The following RARS2 variants were observed in gnomAD, a reference collection of about 807,000 sequenced individuals.
RARS2 encodes arginyl-tRNA synthetase 2, mitochondrial.
A neutral mutation model predicts 88.5 loss-of-function variants in RARS2; 67 were observed. The ratio of observed to expected loss-of-function variants is 0.76; its 90% confidence interval spans 0.62 to 0.93. RARS2 has a LOEUF of 0.93. RARS2 is among the 40% of genes least tolerant of loss of function. RARS2 has a pLI of 0.00. For missense variants in RARS2, 664 were observed against 684.2 expected (o/e 0.97, Z 0.33); for synonymous variants, 239 against 230.3 (o/e 1.04, Z -0.34).
chr6:87,589,550 C>T (rs1776333286), intron 1 of RARS2, among the ~76,000 whole-genome samples: 1 of 152,156 alleles, frequency 6.6e-6, no homozygotes, highest in Admixed American at 6.5e-5. Context: ...TGAGGTCCTT[C>T]TGAAGAACAA....
chr6:87,517,885 GT>G (rs1352619845), intron 17 of RARS2, among the ~76,000 whole-genome samples: 3 of 152,072 alleles, frequency 2.0e-5, no homozygotes, highest in Non-Finnish European at 4.4e-5. Context: ...ACTAAAAAAG[GT>G]TATGCTTTTA....
intron 3 of RARS2, 33 bp from the exon 4 acceptor site, chr6:87,562,818 T>C: frequency 6.5e-7 from 1 of 1,527,756 alleles, no homozygotes; most frequent in Non-Finnish European, 9.1e-7. Flanking sequence ...AGTAGGTATG[T>C]TATATAATAG....
At chr6:87,515,519 C>T (rs1440658385) in intron 18 of RARS2, among the ~76,000 whole-genome samples, 1 of 127,560 alleles carries the variant, frequency 7.8e-6, no homozygotes, top group African/African-American at 2.9e-5. Context: ...GACTCTGTCT[C>T]AAAAAAAAAA....
intron 12 of RARS2, among the ~76,000 whole-genome samples, chr6:87,520,719 A>G (rs1296252188): frequency 6.6e-6 from 1 of 152,220 alleles, no homozygotes; most frequent in South Asian, 2.1e-4. Flanking sequence ...TCTCCAGGGC[A>G]TTCATTATAC....
In RARS2 at chr6:87,539,125, T is replaced by C. The variant is rs1780116807; in HGVS notation, c.612+2793A>G. 3.3e-5 allele frequency among the ~76,000 whole-genome samples: 5 copies of C among 152,204 alleles called. No individual in the cohort carries two copies. In the South Asian group the frequency reaches 1.0e-3, roughly 32 times the overall value. ...AGACAAAGGTTTACTATTTGCAAGA[T>C]TAAATAAAAACTTTTGAGGTGGGGA... On this transcript the variant is annotated intron_variant, in intron 8 of 19. Transcript: ENST00000369536.
chr6:87,572,776 T>C (rs1310303194), intron 1 of RARS2, among the ~76,000 whole-genome samples: 2 of 152,038 alleles, frequency 1.3e-5, no homozygotes, highest in Non-Finnish European at 2.9e-5. Context: ...AAAAATGAAA[T>C]GGGGGACTTA....
At chr6:87,528,940 A>C (rs1312893192) in intron 10 of RARS2, among the ~76,000 whole-genome samples, 1 of 152,264 alleles carries the variant, frequency 6.6e-6, no homozygotes. Flanking sequence ...AACATTTCAC[A>C]GTGTGCATAT....
chr6:87,545,822 T>C, intron 6 of RARS2, 123 bp from the exon 7 acceptor site: 3 of 1,137,566 alleles, frequency 2.6e-6, no homozygotes, highest in Non-Finnish European at 3.7e-6. Flanking sequence ...ACCAACTCAA[T>C]GTTTTTTACT....
In RARS2 at chr6:87,589,950, C is replaced by A. The variant is rs766880364; in HGVS notation, c.8G>T (p.Cys3Phe). 1 of 1,614,182 alleles carries A rather than the reference C, an allele frequency of 6.2e-7. No homozygotes were observed. The highest frequency in any genetic ancestry group is 1.7e-5 in the Admixed American group (1 of 60,034). The change falls in exon 1 of 20, where the codon TGC becomes TTC. Residue 3 changes from cysteine to phenylalanine, a missense_variant. Cys to Phe is a radical substitution (Grantham distance 205). Transcript: ENST00000369536. MACGFRRAIACQL... is the reference protein window; with the variant it reads MAFGFRRAIACQL... ...GCAAGCAATAGCGCGGCGAAAGCCGCACGCCATGTCCACCTCTACGGAAGT... is the reference window on the plus strand; with the variant it reads ...GCAAGCAATAGCGCGGCGAAAGCCGAACGCCATGTCCACCTCTACGGAAGT...
intron 4 of RARS2, among the ~76,000 whole-genome samples, chr6:87,558,229 G>T (rs528105264): frequency 6.0e-5 from 9 of 150,834 alleles, no homozygotes; most frequent in Non-Finnish European, 1.3e-4. Context: ...TCTCTCTATT[G>T]CTACAGACTG....
intron 17 of RARS2, 23 bp downstream of exon 17, chr6:87,518,146 A>G: frequency 6.2e-7 from 1 of 1,614,144 alleles, no homozygotes; most frequent in Admixed American, 1.7e-5. Flanking sequence ...AGCACACTTG[A>G]TGATCCCTGG....
chr6:87,569,628 C>T (rs1245783817), intron 1 of RARS2, 38 bp from the exon 2 acceptor site: 16 of 1,496,384 alleles, frequency 1.1e-5, no homozygotes, highest in East Asian at 2.3e-5. Flanking sequence ...TAAGATTGTT[C>T]ACATATTTGT....
intron 3 of RARS2, among the ~76,000 whole-genome samples, chr6:87,563,919 C>T (rs1167477475): frequency 6.6e-6 from 1 of 152,150 alleles, no homozygotes; most frequent in Admixed American, 6.6e-5. Context: ...AAAAATTGAA[C>T]AATGTCAGCT....
At chr6:87,578,945 CG>C (rs1160337404) in intron 1 of RARS2, among the ~76,000 whole-genome samples, 1 of 101,228 alleles carries the variant, frequency 9.9e-6, no homozygotes, top group Non-Finnish European at 1.7e-5. Flanking sequence ...GGAGACAGAG[CG>C]AGAGACTGTC....
chr6:87,572,560 T>TC (rs2128197052), intron 1 of RARS2, among the ~76,000 whole-genome samples: 1 of 152,220 alleles, frequency 6.6e-6, no homozygotes, highest in East Asian at 1.9e-4. Flanking sequence ...TTCTTCTTCT[T>TC]CTTTTTTTTT....
rs368996052 is a variant in RARS2, at chr6:87,519,653, A to G, written c.1167T>C (p.Asp389=). 19 of 1,613,176 alleles carry G rather than the reference A, an allele frequency of 1.2e-5. No individual in the cohort carries two copies. The highest frequency in any genetic ancestry group is 1.7e-5 in the Admixed American group (1 of 60,014). The change falls in exon 14 of 20, where the codon GAT becomes GAC. Residue 389 remains aspartate, a synonymous_variant. Transcript: ENST00000369536. ...VVQGMKTRRG[D]VTFLEDVLNE... is the part of the protein sequence containing the mutation. Reference sequence around the variant, plus strand: ...TTAAAACATCTTCCAGGAAAGTGACATCTCCTCTTCGAGTCTTCATTCCCT... The same window carrying G: ...TTAAAACATCTTCCAGGAAAGTGACGTCTCCTCTTCGAGTCTTCATTCCCT...
rs749523845 is a variant in RARS2 at position 87,521,416 on chromosome 6, T to TA, written c.1035+47dup. On this transcript the variant is annotated intron_variant, in intron 12 of 19. Transcript: ENST00000369536. ...ACATGGCATCCAATTTCTACCTCTG[T>TA]AGTTTTCATGAGTTAAGAGATCATA... 5 of 1,392,486 alleles carry TA rather than the reference T, an allele frequency of 3.6e-6. No homozygotes were observed. In the African/African-American group the frequency reaches 7.1e-5, roughly 20 times the overall value. The allele number at this position is 1,392,486 out of a possible 1,614,324, so 86.3% of individuals were successfully genotyped here.
intron 1 of RARS2, among the ~76,000 whole-genome samples, chr6:87,579,374 C>T (rs1480827988): frequency 3.9e-5 from 6 of 152,322 alleles, no homozygotes; most frequent in Admixed American, 3.3e-4. Context: ...CACTGTACTA[C>T]ACCTTTCTGC....
In RARS2 at chr6:87,564,118, G is replaced by C; in HGVS notation, c.213+12C>G. Reference sequence around the variant, plus strand: ...ATTACAATGTCAAAAAGAGATAATAGTGCTAACGTACCTTCTCTGCTAGTC... The same window carrying C: ...ATTACAATGTCAAAAAGAGATAATACTGCTAACGTACCTTCTCTGCTAGTC... On this transcript the variant is annotated intron_variant, in intron 3 of 19. Transcript: ENST00000369536. 1 of 1,568,798 alleles carries C rather than the reference G, an allele frequency of 6.4e-7. No individual in the cohort carries two copies. The highest frequency in any genetic ancestry group is 8.8e-7 in the Non-Finnish European group (1 of 1,138,736).
Sources: gnomAD v4.1 joint callset for allele counts (sites outside exome capture counted in the v4.1 genomes callset) on GRCh38, gnomAD v4.1.1 for gene constraint, MANE v1.5 for transcripts, NCBI Gene and HGNC (gene_info 2026-07-23, HGNC 2026-07-21) for gene names.